Variants in KCNQ3 observed in about 807,000 individuals in gnomAD.
KCNQ3 encodes the protein potassium voltage-gated channel subfamily Q member 3.
KCNQ3 carries 30 observed loss-of-function variants against 92.5 expected under a neutral mutation model. That is an observed-to-expected ratio of 0.32 (90% CI 0.24 to 0.44). KCNQ3 has a LOEUF of 0.44. Ranked by LOEUF, KCNQ3 falls within the 20% of genes least tolerant of loss-of-function variation. KCNQ3 has a pLI of 1.00. For missense variants in KCNQ3, 913 were observed against 1,140.3 expected (o/e 0.80, Z 2.87); for synonymous variants, 450 against 468.8 (o/e 0.96, Z 0.52).
chr8:132,154,193 G>GTTTTTTTTTTTTTTTTTTTTTTTTT lies in KCNQ3; in HGVS notation c.1262+9250_1262+9274dup, dbSNP rs869112851. Among the ~76,000 whole-genome samples the GTTTTTTTTTTTTTTTTTTTTTTTTT allele has an allele frequency of 4.4e-4, 12 of 27,490 alleles. 2 individuals carry two copies. The highest frequency in any genetic ancestry group is 5.5e-4 in the Non-Finnish European group (8 of 14,668). 18.0% of individuals were successfully genotyped at this position (27,490 alleles called of 152,430 possible). A position where few individuals can be genotyped will look rare whatever the true frequency, so the allele number is the denominator to read the frequency against. On this transcript the variant is annotated intron_variant, in intron 9 of 14. Coordinates refer to ENST00000388996, the MANE Select transcript of KCNQ3 (RefSeq NM_004519.4). ...CTGATGTACCATCAAAAGGGTAAAA[G>GTTTTTTTTTTTTTTTTTTTTTTTTT]TTTTTTTTTTTTTTTTTTTTTTTTT...
chr8:132,289,098 G>T (rs1169059919), intron 1 of KCNQ3, among the ~76,000 whole-genome samples: 1 of 152,116 alleles, frequency 6.6e-6, no homozygotes, highest in Non-Finnish European at 1.5e-5. Flanking sequence ...AATATAAGAG[G>T]TAGGTTAAAA....
In KCNQ3 at chr8:132,129,736, A is replaced by G. The variant is rs1250724072; in HGVS notation, c.2145T>C (p.His715=). ...DKVSPYGFFA[H]DPVNLPRGGP... is the part of the protein sequence containing the mutation. ...CCCCTCGGGGCAGGTTCACAGGGTC[A>G]TGTGCAAAAAACCCATAGGGGCTGA... The change falls in exon 15 of 15, where the codon CAT becomes CAC. Residue 715 remains histidine (H), a synonymous_variant. Coordinates refer to ENST00000388996, the MANE Select transcript of KCNQ3 (RefSeq NM_004519.4). This position sits in a 1 kb window ranked among gnomAD's most constrained non-coding sequence, Gnocchi z 5.9. The G allele has an allele frequency of 1.2e-6, 2 of 1,614,060 alleles. No homozygotes were observed.
At chr8:132,374,505 C>T (rs1819559336) in intron 1 of KCNQ3, among the ~76,000 whole-genome samples, 1 of 152,184 alleles carries the variant, frequency 6.6e-6, no homozygotes, top group Non-Finnish European at 1.5e-5. Context: ...ACACACCCCT[C>T]CCGGAAAGCT....
chr8:132,256,937 G>A (rs887730043), intron 1 of KCNQ3, among the ~76,000 whole-genome samples: 5 of 152,096 alleles, frequency 3.3e-5, no homozygotes, highest in Admixed American at 2.0e-4. Flanking sequence ...TAATGACATC[G>A]GTGAAGGTAA....
intron 8 of KCNQ3, among the ~76,000 whole-genome samples, chr8:132,164,977 T>G (rs1362999471): frequency 1.3e-5 from 2 of 152,198 alleles, no homozygotes; most frequent in Non-Finnish European, 2.9e-5. Context: ...ATGCTCTTAA[T>G]GAAGGCCCAT....
intron 1 of KCNQ3, among the ~76,000 whole-genome samples, chr8:132,298,308 T>C (rs1356563366): frequency 2.6e-5 from 4 of 152,168 alleles, no homozygotes; most frequent in Non-Finnish European, 5.9e-5. Context: ...ACCACTATAC[T>C]CCTGTTTGAG....
At chr8:132,448,114 C>A (rs1821728618) in intron 1 of KCNQ3, among the ~76,000 whole-genome samples, 1 of 152,124 alleles carries the variant, frequency 6.6e-6, no homozygotes. Context: ...GACAAGCACT[C>A]CTCCTTTTTC....
chr8:132,321,776 C>G (rs1051887687), intron 1 of KCNQ3, among the ~76,000 whole-genome samples: 1 of 152,144 alleles, frequency 6.6e-6, no homozygotes, highest in Admixed American at 6.5e-5. Context: ...TTGGCCCAGG[C>G]TGTTCTTTTC....
chr8:132,337,308 G>A (rs1563866386), intron 1 of KCNQ3, among the ~76,000 whole-genome samples: 1 of 152,144 alleles, frequency 6.6e-6, no homozygotes, highest in African/African-American at 2.4e-5. Context: ...GAGCAATAAA[G>A]TGAGAGCAAT....
At chr8:132,246,852 T>G (rs1160125854) in intron 1 of KCNQ3, among the ~76,000 whole-genome samples, 1 of 152,224 alleles carries the variant, frequency 6.6e-6, no homozygotes, top group Non-Finnish European at 1.5e-5. Context: ...ATGCACTGCA[T>G]GTGTGAGACT....
chr8:132,216,531 C>A (rs552692915), intron 1 of KCNQ3, among the ~76,000 whole-genome samples: 1 of 152,176 alleles, frequency 6.6e-6, no homozygotes, highest in South Asian at 2.1e-4. Flanking sequence ...TGGCACAATG[C>A]GTTGGAACCA....
chr8:132,265,582 G>A (rs1736234248), intron 1 of KCNQ3, among the ~76,000 whole-genome samples: 1 of 152,178 alleles, frequency 6.6e-6, no homozygotes. Context: ...TTCCCACAGG[G>A]ACAGCCAATA....
intron 7 of KCNQ3, among the ~76,000 whole-genome samples, chr8:132,172,227 T>A (rs1826391065): frequency 6.6e-6 from 1 of 152,090 alleles, no homozygotes; most frequent in Non-Finnish European, 1.5e-5. Context: ...AGGTTGGTCC[T>A]TGAGTTCTGT....
At chr8:132,244,088 A>G (rs1002615601) in intron 1 of KCNQ3, among the ~76,000 whole-genome samples, 7 of 152,120 alleles carry the variant, frequency 4.6e-5, no homozygotes, top group Admixed American at 4.6e-4. Flanking sequence ...GTCCTCCTAC[A>G]CCCCCTGGAA....
chr8:132,398,466 A>G (rs1820252031), intron 1 of KCNQ3, among the ~76,000 whole-genome samples: 1 of 152,126 alleles, frequency 6.6e-6, no homozygotes, highest in Non-Finnish European at 1.5e-5. Context: ...TATTATTCAC[A>G]TTTTCTAAAT....
chr8:132,160,047 C>T (rs948395209), intron 9 of KCNQ3, among the ~76,000 whole-genome samples: 1 of 152,136 alleles, frequency 6.6e-6, no homozygotes. Context: ...AACAGGCAAT[C>T]ATCATAGGAT....
chr8:132,460,802 G>A (rs988017250), intron 1 of KCNQ3, among the ~76,000 whole-genome samples: 1 of 152,130 alleles, frequency 6.6e-6, no homozygotes, highest in African/African-American at 2.4e-5. Flanking sequence ...TTTGACGAAT[G>A]CACTAAGTCA....
chr8:132,353,464 T>C (rs925626980), intron 1 of KCNQ3, among the ~76,000 whole-genome samples: 2 of 152,194 alleles, frequency 1.3e-5, no homozygotes, highest in Non-Finnish European at 2.9e-5. Context: ...TTTGGCTCTT[T>C]CACTGAAGAG....
chr8:132,355,029 A>T (rs1818981009), intron 1 of KCNQ3, among the ~76,000 whole-genome samples: 1 of 152,212 alleles, frequency 6.6e-6, no homozygotes, highest in African/African-American at 2.4e-5. Flanking sequence ...GTTCTATAAC[A>T]GTCCTCATAT....
Sources: gnomAD v4.1 joint callset for allele counts (sites outside exome capture counted in the v4.1 genomes callset) on GRCh38, gnomAD v4.1.1 for gene constraint, Gnocchi (gnomAD v3.1) non-coding constraint, MANE v1.5 for transcripts, NCBI Gene and HGNC (gene_info 2026-07-23, HGNC 2026-07-21) for gene names.